Variants in STIM1 observed in about 807,000 individuals in gnomAD.
STIM1 encodes the protein stromal interaction molecule 1.
In STIM1, 25 loss-of-function variants were observed where a neutral mutation model predicts 74.7. The ratio of observed to expected loss-of-function variants is 0.33; its 90% CI spans 0.24 to 0.47. The LOEUF is 0.47. Ranked by LOEUF, STIM1 falls within the 20% of genes least tolerant of loss-of-function variation. The pLI is 1.00. For missense variants in STIM1, 728 were observed against 920.8 expected, an observed-to-expected ratio of 0.79 and a Z score of 2.71; for synonymous variants, 328 against 348.8, an observed-to-expected ratio of 0.94 and a Z score of 0.66.
intron 1 of STIM1, among the ~76,000 whole-genome samples, chr11:3,874,291 GC>G (rs1353632720): frequency 1.3e-5 from 2 of 152,048 alleles, no homozygotes; most frequent in Non-Finnish European, 2.9e-5. Flanking sequence ...CATTTCTATT[GC>G]CCTGGAGTAT....
At chr11:3,981,391 G>T (rs917504847) in intron 2 of STIM1, among the ~76,000 whole-genome samples, 1 of 152,214 alleles carries the variant, frequency 6.6e-6, no homozygotes, top group Admixed American at 6.5e-5. Flanking sequence ...TAGGGGTCAT[G>T]AACTAGGTTT....
intron 3 of STIM1, 104 bp from the exon 4 acceptor site, chr11:4,055,422 G>A: frequency 4.8e-6 from 4 of 838,050 alleles, no homozygotes; most frequent in Non-Finnish European, 8.0e-6. Flanking sequence ...GGGACAGATA[G>A]ATATTAAACA....
At chr11:3,894,075 A>G (rs1426448288) in intron 1 of STIM1, among the ~76,000 whole-genome samples, 1 of 152,144 alleles carries the variant, frequency 6.6e-6, no homozygotes, top group South Asian at 2.1e-4. Context: ...CGCCAGGCCA[A>G]TTTGAACTAT....
At chr11:3,967,492 T>C in intron 1 of STIM1, 60 bp from the exon 2 acceptor site, 3 of 1,612,510 alleles carry the variant, frequency 1.9e-6, no homozygotes, top group Non-Finnish European at 2.5e-6. Flanking sequence ...CTGACACAGG[T>C]GGGTGATAGG....
intron 3 of STIM1, among the ~76,000 whole-genome samples, chr11:4,032,469 A>G (rs887048652): frequency 6.6e-6 from 1 of 152,206 alleles, no homozygotes; most frequent in African/African-American, 2.4e-5. Context: ...TCAATCAGGT[A>G]GTGTTAGCCC....
chr11:4,056,595 G>A lies in STIM1; in HGVS notation c.497+958G>A, dbSNP rs2094291816. 2.0e-5 allele frequency among the ~76,000 whole-genome samples: 3 copies of A among 152,186 alleles called. No homozygotes were observed. The South Asian group carries it at 6.2e-4, about 31-fold the overall frequency. ...GCTTCAGCAAAGGGGAAAGGGGAAG[G>A]TGAAGCTGTTGGAATGCCCACACTT... is the stretch of plus-strand genomic sequence containing the variant. On this transcript the variant is annotated intron_variant, in intron 4 of 12. Transcript: ENST00000526596.
At chr11:3,939,017 T>C (rs1214948181) in intron 1 of STIM1, among the ~76,000 whole-genome samples, 1 of 152,230 alleles carries the variant, frequency 6.6e-6, no homozygotes, top group African/African-American at 2.4e-5. Context: ...CAAGGTACTG[T>C]TCTCCCTTTA....
At chr11:3,969,663 G>C (rs2093372984) in intron 2 of STIM1, among the ~76,000 whole-genome samples, 1 of 152,224 alleles carries the variant, frequency 6.6e-6, no homozygotes, top group South Asian at 2.1e-4. Context: ...GAGTAGTGGA[G>C]AATCAGTGTG....
rs114936906 is a variant in STIM1 at position 3,950,765 on chromosome 11, A to C, written c.140-16787A>C. 3.0e-3 allele frequency among the ~76,000 whole-genome samples: 456 copies of C among 152,262 alleles called. 2 individuals are homozygous for C. Among genetic ancestry groups the C allele is most frequent in the African/African-American group, 0.01 (432 of 41,560 alleles). On this transcript the variant is annotated intron_variant, in intron 1 of 12. Coordinates refer to ENST00000526596, the MANE Select transcript of STIM1 (RefSeq NM_001382567.1). ...CTCAGCCTCCTGAGCAGCTGGGACTACAAGTGCATGACACCATACCCAGCT... is the reference window on the plus strand; with the variant it reads ...CTCAGCCTCCTGAGCAGCTGGGACTCCAAGTGCATGACACCATACCCAGCT...
At chr11:4,088,922 T>A in intron 12 of STIM1, 1 of 588,468 alleles carries the variant, frequency 1.7e-6, no homozygotes, top group Admixed American at 2.5e-5. Flanking sequence ...TTTTAGCTGA[T>A]GAGAGAGGCA....
chr11:3,854,979 G>C (rs1235515429), upstream of STIM1: 5 of 152,274 alleles, frequency 3.3e-5, no homozygotes, highest in East Asian at 5.8e-4. Context: ...AGCTTCACTC[G>C]GCAACCCTCT....
At chr11:3,999,652 C>A (rs554310145) in intron 2 of STIM1, 1 of 157,736 alleles carries the variant, frequency 6.3e-6, no homozygotes, top group Non-Finnish European at 1.4e-5. Flanking sequence ...GCGTGAGCGA[C>A]GCAGTAGACG....
chr11:3,928,864 C>CTTTTCT (rs1217487812), intron 1 of STIM1, among the ~76,000 whole-genome samples: 1 of 152,020 alleles, frequency 6.6e-6, no homozygotes, highest in South Asian at 2.1e-4. Flanking sequence ...GTTAAATTTT[C>CTTTTCT]TTTTCTTTTT....
chr11:3,967,544 T>C lies in STIM1; in HGVS notation c.140-8T>C. On this transcript the variant is annotated splice_polypyrimidine_tract_variant and splice_region_variant and intron_variant, in intron 1 of 12. Coordinates refer to ENST00000526596, the MANE Select transcript of STIM1 (RefSeq NM_001382567.1). ...TGAGTAATTTTGTCTCTTGCTTTTCTTACACAGAGTTTTGCCGAATTGACA... is the reference window on the plus strand; with the variant it reads ...TGAGTAATTTTGTCTCTTGCTTTTCCTACACAGAGTTTTGCCGAATTGACA... 1.9e-6 allele frequency: 3 copies of C among 1,614,168 alleles called. No homozygotes were observed. The highest frequency in any genetic ancestry group is 2.5e-6 in the Non-Finnish European group (3 of 1,179,998).
chr11:3,903,197 A>T (rs1025721629), intron 1 of STIM1, among the ~76,000 whole-genome samples: 1 of 152,214 alleles, frequency 6.6e-6, no homozygotes, highest in Non-Finnish European at 1.5e-5. Context: ...CCAAACTCAC[A>T]TGGCTAATAA....
intron 2 of STIM1, among the ~76,000 whole-genome samples, chr11:4,009,935 C>T (rs2093819594): frequency 6.6e-6 from 1 of 152,152 alleles, no homozygotes; most frequent in South Asian, 2.1e-4. Flanking sequence ...ACCTCAGCCT[C>T]CCAAGTAGTT....
At chr11:4,038,366 G>A (rs1465631133) in intron 3 of STIM1, among the ~76,000 whole-genome samples, 1 of 151,824 alleles carries the variant, frequency 6.6e-6, no homozygotes, top group Admixed American at 6.6e-5. Context: ...CATGTCACAT[G>A]TAGTATAAGA....
At chr11:4,069,284 C>G (rs2094388353) in intron 5 of STIM1, among the ~76,000 whole-genome samples, 1 of 152,140 alleles carries the variant, frequency 6.6e-6, no homozygotes, top group Non-Finnish European at 1.5e-5. Flanking sequence ...AAATTTTGCT[C>G]TGGACAATGG....
chr11:3,967,396 T>A (rs901916994), intron 1 of STIM1, among the ~76,000 whole-genome samples, 156 bp from the exon 2 acceptor site: 2 of 152,150 alleles, frequency 1.3e-5, no homozygotes, highest in Non-Finnish European at 2.9e-5. Flanking sequence ...GGGAGACAGT[T>A]ACAGTCTAGA....
Sources: allele counts gnomAD v4.1 joint callset (sites outside exome capture counted in the v4.1 genomes callset), GRCh38; gene constraint gnomAD v4.1.1; transcripts MANE v1.5; gene names NCBI Gene and HGNC (gene_info 2026-07-23, HGNC 2026-07-21).